Variants in VRK2 observed in about 807,000 individuals in gnomAD.
The protein encoded by VRK2 is VRK serine/threonine kinase 2, also known as serine/threonine-protein kinase VRK2.
A neutral mutation model predicts 57.6 loss-of-function variants in VRK2; 60 were observed. That is an observed-to-expected ratio of 1.04 (90% CI 0.85 to 1.29). The LOEUF (loss-of-function observed/expected upper bound fraction) is 1.29, where lower values mean the gene tolerates loss of function less well. Among genes scored for constraint, VRK2 ranks in the 50% most tolerant of loss-of-function variants. The pLI is 0.00. For synonymous variants in VRK2, 231 were observed against 199.2 expected (o/e 1.16, Z -1.35); for missense variants, 705 against 588.1 (o/e 1.20, Z -2.06).
intron 2 of VRK2, among the ~76,000 whole-genome samples, chr2:58,065,220 A>G (rs1243808255): frequency 6.6e-6 from 1 of 152,172 alleles, no homozygotes; most frequent in African/African-American, 2.4e-5. Flanking sequence ...CAACATAATT[A>G]GGATACAGGA....
At chr2:58,133,215 C>G (rs1428754207) in intron 9 of VRK2, among the ~76,000 whole-genome samples, 1 of 146,100 alleles carries the variant, frequency 6.8e-6, no homozygotes, top group Non-Finnish European at 1.5e-5. Flanking sequence ...AATGAATATA[C>G]CTGCTTATGC....
rs115096473 is a variant in VRK2, at chr2:58,143,077, A to G, written c.1024-3239A>G. On this transcript the variant is annotated intron_variant, in intron 11 of 12. Coordinates refer to ENST00000340157, the MANE Select transcript of VRK2 (RefSeq NM_006296.7). ...TATTATTGGTAGTAGTAGTATTTGT[A>G]TAGAATTTAACGGTTTACAAAATTT... 4.2e-3 allele frequency among the ~76,000 whole-genome samples: 636 copies of G among 152,002 alleles called. 7 individuals are homozygous for G. The highest frequency in any genetic ancestry group is 0.014 in the African/African-American group (595 of 41,512).
At chr2:58,158,884 T>C (rs1271565077) in intron 12 of VRK2, among the ~76,000 whole-genome samples, 1 of 152,174 alleles carries the variant, frequency 6.6e-6, no homozygotes, top group Non-Finnish European at 1.5e-5. Context: ...CAGTTTTCTT[T>C]GGCTGTGTAC....
rs573969381 is a variant in VRK2, at chr2:58,085,982, A to G, written c.257-357A>G. ...GGTTTTAAATCTTGAAGTAATAGGG[A>G]AGAAAAAGCCATCTCTCTACTGATC... On this transcript the variant is annotated intron_variant, in intron 4 of 12. Coordinates refer to ENST00000340157, the MANE Select transcript of VRK2 (RefSeq NM_006296.7). Among the ~76,000 whole-genome samples, 171 of 143,706 alleles carry G rather than the reference A, an allele frequency of 1.2e-3. 4 individuals are homozygous for G. The South Asian group carries it at 0.035, about 30-fold the overall frequency. 94.3% of individuals were successfully genotyped at this position (143,706 alleles called of 152,430 possible). A position where few individuals can be genotyped will look rare whatever the true frequency, so the allele number is the denominator to read the frequency against.
At chr2:58,133,087 T>A (rs2104548522) in intron 9 of VRK2, among the ~76,000 whole-genome samples, 1 of 152,274 alleles carries the variant, frequency 6.6e-6, no homozygotes, top group Non-Finnish European at 1.5e-5. Context: ...GATGCTATTT[T>A]AAAAAACTAA....
intron 3 of VRK2, chr2:58,041,202 T>C (rs999171543): frequency 3.3e-5 from 10 of 304,692 alleles, no homozygotes; most frequent in Non-Finnish European, 4.8e-5. Context: ...CTACATTCAA[T>C]TGTTTGAGAG....
At chr2:57,977,473 T>C (rs1572928319) in intron 1 of VRK2, among the ~76,000 whole-genome samples, 2 of 152,098 alleles carry the variant, frequency 1.3e-5, no homozygotes, top group East Asian at 3.8e-4. Context: ...TTTTTTCTTT[T>C]TGTGGCTTTT....
chr2:58,048,932 A>G lies in VRK2; in HGVS notation c.101A>G (p.Lys34Arg). 1 of 1,613,962 alleles carries G rather than the reference A, an allele frequency of 6.2e-7. No individual in the cohort carries two copies. The highest frequency in any genetic ancestry group is 2.2e-5 in the East Asian group (1 of 44,850). Residue 34 changes from lysine to arginine, a missense_variant, in exon 2 of 13, where the codon AAG (lysine) becomes AGG (arginine). Physicochemically the swap from Lys to Arg is conservative, Grantham distance 26. Coordinates refer to ENST00000340157, the MANE Select transcript of VRK2 (RefSeq NM_006296.7). ...MEGNQWVLGK[K>R]IGSGGFGLIY... ...GGCAATCAGTGGGTACTGGGCAAGA[A>G]GATTGGCTCTGGAGGATTTGGATTG...
At chr2:58,123,432 A>G (rs1303678825) in intron 8 of VRK2, among the ~76,000 whole-genome samples, 199 bp downstream of exon 8, 2 of 152,176 alleles carry the variant, frequency 1.3e-5, no homozygotes, top group Non-Finnish European at 2.9e-5. Context: ...GACTGTGACA[A>G]GTGGTGAAGG....
At chr2:58,122,563 A>G (rs1677680167) in intron 7 of VRK2, among the ~76,000 whole-genome samples, 2 of 152,370 alleles carry the variant, frequency 1.3e-5, no homozygotes, top group South Asian at 2.1e-4. Context: ...CTTCACGTTG[A>G]GTACGCTGAG....
chr2:58,051,601 G>T (rs941681548), intron 2 of VRK2, among the ~76,000 whole-genome samples: 1 of 152,092 alleles, frequency 6.6e-6, no homozygotes, highest in Non-Finnish European at 1.5e-5. Flanking sequence ...CATTCATTTC[G>T]ATTCTTTCCA....
intron 7 of VRK2, among the ~76,000 whole-genome samples, chr2:58,108,422 C>T (rs10518866): frequency 0.04 from 6,058 of 152,232 alleles, 144 homozygotes; most frequent in Non-Finnish European, 0.059. Context: ...AAAATCCTTC[C>T]GTGACATCTA....
In VRK2 at chr2:58,159,543, G is replaced by GGGGATCACAGACTTA; in HGVS notation, c.1379_1393dup (p.Gly460_Leu464dup). 6.2e-7 allele frequency: 1 copy of GGGGATCACAGACTTA among 1,613,712 alleles called. No homozygotes were observed. The highest frequency in any genetic ancestry group is 8.5e-7 in the Non-Finnish European group (1 of 1,179,774). ...ATAAATACACTTCCACAGTCAGCACGGGGATCACAGACTTAGAAAGTTCAA... is the reference window on the plus strand; with the variant it reads ...ATAAATACACTTCCACAGTCAGCACGGGGATCACAGACTTAGGGATCACAGACTTAGAAAGTTCAA... On this transcript the variant is annotated inframe_insertion, in exon 13 of 13. Transcript: ENST00000340157.
intron 1 of VRK2, among the ~76,000 whole-genome samples, chr2:58,006,552 C>A (rs79127661): frequency 0.044 from 6,626 of 152,196 alleles, 171 homozygotes; most frequent in Middle Eastern, 0.075. Context: ...TCTTTGTGAT[C>A]ACTCTTCTCT....
chr2:58,043,031 T>C (rs1184815765), upstream of VRK2, among the ~76,000 whole-genome samples: 3 of 152,190 alleles, frequency 2.0e-5, no homozygotes, highest in Non-Finnish European at 2.9e-5. Flanking sequence ...ACACATATTC[T>C]CAATATAGGT....
intron 1 of VRK2, among the ~76,000 whole-genome samples, chr2:57,954,450 A>C (rs1671519845): frequency 6.6e-6 from 1 of 152,088 alleles, no homozygotes; most frequent in Admixed American, 6.6e-5. Flanking sequence ...GACTCAATTC[A>C]ACATGTTGTT....
chr2:58,003,807 A>T (rs956674719), intron 1 of VRK2, among the ~76,000 whole-genome samples: 3 of 152,032 alleles, frequency 2.0e-5, no homozygotes, highest in African/African-American at 7.2e-5. Context: ...GTATTTATAC[A>T]TTTTTCTCAC....
chr2:57,961,623 AC>A (rs10588765), intron 1 of VRK2, among the ~76,000 whole-genome samples: 12,332 of 95,884 alleles, frequency 0.13, 1,224 homozygotes, highest in African/African-American at 0.37. Context: ...CACTGTACCC[AC>A]CCCCCCCCCC....
At chr2:57,985,937 C>A (rs1672580062) in intron 1 of VRK2, among the ~76,000 whole-genome samples, 1 of 152,056 alleles carries the variant, frequency 6.6e-6, no homozygotes, top group Non-Finnish European at 1.5e-5. Flanking sequence ...GTATCATTTA[C>A]ATTAATTAGA....
Sources: allele counts gnomAD v4.1 joint callset (sites outside exome capture counted in the v4.1 genomes callset), GRCh38; gene constraint gnomAD v4.1.1; transcripts MANE v1.5; gene names NCBI Gene and HGNC (gene_info 2026-07-23, HGNC 2026-07-21).